SLC44A5: variants seen among roughly 807,000 people sequenced by gnomAD.
SLC44A5 encodes the protein solute carrier family 44 member 5.
SLC44A5 carries 57 observed loss-of-function variants against 101.8 expected under a neutral mutation model. The ratio of observed to expected loss-of-function variants is 0.56; its 90% CI spans 0.45 to 0.70. SLC44A5 has a LOEUF of 0.70. Among genes scored for constraint, SLC44A5 ranks in the 30% least tolerant of loss-of-function variants. The pLI, the probability that SLC44A5 is intolerant of heterozygous loss-of-function variation, is 0.00. For synonymous variants in SLC44A5, 281 were observed against 290.9 expected (o/e 0.97, Z 0.35); for missense variants, 737 against 853.1 (o/e 0.86, Z 1.70).
chr1:75,665,870 C>G, the SLC44A5 span, among the ~76,000 whole-genome samples: 32,990 of 151,996 alleles, frequency 0.22, 4,529 homozygotes, highest in Middle Eastern at 0.36. Flanking sequence ...CTAAAAAATG[C>G]TCAACATCGC....
At chr1:75,697,794 T>C in the SLC44A5 span, among the ~76,000 whole-genome samples, 2 of 152,142 alleles carry the variant, frequency 1.3e-5, no homozygotes, top group African/African-American at 2.4e-5. Context: ...AGTGGGTGCA[T>C]GCACCGTGCG....
chr1:75,322,324 T>C (rs902946401), intron 4 of SLC44A5, among the ~76,000 whole-genome samples: 4 of 151,890 alleles, frequency 2.6e-5, no homozygotes, highest in African/African-American at 9.7e-5. Flanking sequence ...AAAAAGAGCA[T>C]GGTTTACAAT....
At chr1:75,607,889 C>A (rs1471331105) in intron 1 of SLC44A5, among the ~76,000 whole-genome samples, 1 of 151,966 alleles carries the variant, frequency 6.6e-6, no homozygotes, top group African/African-American at 2.4e-5. Context: ...TCTTCATTAG[C>A]AGCATGAAAA....
At chr1:75,476,797 C>A (rs1396519356) in intron 2 of SLC44A5, among the ~76,000 whole-genome samples, 1 of 152,246 alleles carries the variant, frequency 6.6e-6, no homozygotes, top group Non-Finnish European at 1.5e-5. Flanking sequence ...GCCTGCCTGC[C>A]TCTGTAGGCT....
At chr1:75,423,454 T>A (rs1439973134) in intron 2 of SLC44A5, among the ~76,000 whole-genome samples, 1 of 152,178 alleles carries the variant, frequency 6.6e-6, no homozygotes, top group Non-Finnish European at 1.5e-5. Flanking sequence ...CTTGGTTATT[T>A]CCCCTAAAGT....
At chr1:75,659,212 G>A in the SLC44A5 span, among the ~76,000 whole-genome samples, 1 of 150,610 alleles carries the variant, frequency 6.6e-6, no homozygotes, top group African/African-American at 2.4e-5. Context: ...AACTAATATT[G>A]ATTCTACTCA....
chr1:75,452,124 GAAA>G (rs1456968572), intron 2 of SLC44A5, among the ~76,000 whole-genome samples: 2 of 152,056 alleles, frequency 1.3e-5, no homozygotes, highest in African/African-American at 4.8e-5. Context: ...CAATGCTAAA[GAAA>G]AAATCTTAAA....
intron 5 of SLC44A5, among the ~76,000 whole-genome samples, chr1:75,289,556 G>T (rs1653361016): frequency 6.6e-6 from 1 of 152,108 alleles, no homozygotes; most frequent in African/African-American, 2.4e-5. Flanking sequence ...TAAAGCTCAA[G>T]AAAGTTACAT....
chr1:75,405,660 A>C (rs999117866), intron 2 of SLC44A5, among the ~76,000 whole-genome samples: 2 of 152,328 alleles, frequency 1.3e-5, no homozygotes, highest in Middle Eastern at 3.4e-3. Flanking sequence ...GAAACCAATG[A>C]GAACAAAGAG....
intron 4 of SLC44A5, among the ~76,000 whole-genome samples, chr1:75,310,500 A>G (rs1442250873): frequency 6.6e-6 from 1 of 152,208 alleles, no homozygotes; most frequent in African/African-American, 2.4e-5. Context: ...CCTACCTGGA[A>G]GGTGCTTTAA....
At chr1:75,455,021 T>C (rs1420875044) in intron 2 of SLC44A5, among the ~76,000 whole-genome samples, 1 of 152,030 alleles carries the variant, frequency 6.6e-6, no homozygotes, top group African/African-American at 2.4e-5. Flanking sequence ...AAAAAAACTA[T>C]TCTAAAATTC....
chr1:75,597,608 C>T (rs1674717734), intron 1 of SLC44A5, among the ~76,000 whole-genome samples: 1 of 152,092 alleles, frequency 6.6e-6, no homozygotes, highest in African/African-American at 2.4e-5. Flanking sequence ...ACACATAGAC[C>T]AATGGAACAG....
chr1:75,206,737 A>G, intron 23 of SLC44A5: 2 of 1,296,632 alleles, frequency 1.5e-6, no homozygotes, highest in East Asian at 2.3e-5. Context: ...TGCAGCAGCC[A>G]AAGCAGGCAA....
intron 2 of SLC44A5, among the ~76,000 whole-genome samples, chr1:75,400,753 C>G (rs536292161): frequency 3.9e-5 from 6 of 152,256 alleles, no homozygotes; most frequent in African/African-American, 1.4e-4. Context: ...TTCTGCCAAC[C>G]CTGAAGACTG....
chr1:75,480,833 G>GTAATAT (rs1384037596), intron 2 of SLC44A5, among the ~76,000 whole-genome samples: 2 of 152,118 alleles, frequency 1.3e-5, no homozygotes, highest in African/African-American at 4.8e-5. Flanking sequence ...ACTGCCCAAG[G>GTAATAT]TAATATATAG....
chr1:75,602,823 T>C (rs1394576189), intron 1 of SLC44A5, among the ~76,000 whole-genome samples: 2 of 152,176 alleles, frequency 1.3e-5, no homozygotes, highest in African/African-American at 4.8e-5. Context: ...TGTTAAATTT[T>C]ATGACTTTGG....
intron 2 of SLC44A5, among the ~76,000 whole-genome samples, chr1:75,444,437 G>A (rs1570295738): frequency 2.5e-5 from 3 of 120,702 alleles, no homozygotes; most frequent in Admixed American, 8.2e-5. Context: ...AAGAAAGACA[G>A]AGAAAGAAAG....
At chr1:75,217,308 T>A (rs1244370692) in intron 18 of SLC44A5, among the ~76,000 whole-genome samples, 1 of 152,082 alleles carries the variant, frequency 6.6e-6, no homozygotes. Flanking sequence ...ACCACACTCT[T>A]TTGATTGCTG....
intron 1 of SLC44A5, among the ~76,000 whole-genome samples, chr1:75,572,574 G>A (rs572654536): frequency 6.6e-6 from 1 of 152,182 alleles, no homozygotes; most frequent in South Asian, 2.1e-4. Flanking sequence ...ATTGTTTATT[G>A]GCTTAGAACA....
Sources: allele counts gnomAD v4.1 joint callset (sites outside exome capture counted in the v4.1 genomes callset), GRCh38; gene constraint gnomAD v4.1.1; transcripts MANE v1.5; gene names NCBI Gene and HGNC (gene_info 2026-07-23, HGNC 2026-07-21).